The following STYX variants were observed in gnomAD, a reference collection of about 807,000 sequenced individuals.
The protein encoded by STYX is serine/threonine/tyrosine-interacting protein.
Under a neutral mutation model 42.7 loss-of-function variants are expected in STYX, and 20 were observed. The ratio of observed to expected loss-of-function variants is 0.47; its 90% CI spans 0.33 to 0.68. The LOEUF is 0.68. Among genes scored for constraint, STYX ranks in the 30% least tolerant of loss-of-function variants. The probability of loss-of-function intolerance (pLI) is 0.02; values close to 1 mark genes in which losing one functional copy is unlikely to be tolerated. For missense variants in STYX, 226 were observed against 268.5 expected, an observed-to-expected ratio of 0.84 and a Z score of 1.11; for synonymous variants, 78 against 81.9, an observed-to-expected ratio of 0.95 and a Z score of 0.26.
intron 9 of STYX, among the ~76,000 whole-genome samples, chr14:52,762,579 CT>C (rs929187988): frequency 3.7e-4 from 55 of 148,478 alleles, no homozygotes; most frequent in Admixed American, 3.3e-3. Flanking sequence ...GTTTGTCTTT[CT>C]TTTTTTTTTC....
chr14:52,732,960 C>G (rs140813732), intron 1 of STYX, among the ~76,000 whole-genome samples: 5 of 152,122 alleles, frequency 3.3e-5, no homozygotes, highest in African/African-American at 1.2e-4. Context: ...CTTGAGCCAC[C>G]GCGAAGGAGT....
intron 10 of STYX, among the ~76,000 whole-genome samples, chr14:52,769,669 A>G (rs1276643513): frequency 6.6e-6 from 1 of 151,976 alleles, no homozygotes; most frequent in Non-Finnish European, 1.5e-5. Flanking sequence ...CCTTTGCCAC[A>G]TCTGTCTAAT....
chr14:52,744,094 G>A (rs2139892419), intron 1 of STYX, among the ~76,000 whole-genome samples: 1 of 152,294 alleles, frequency 6.6e-6, no homozygotes, highest in South Asian at 2.1e-4. Context: ...AAAGTGCTGG[G>A]ATTACAGACA....
At chr14:52,738,642 A>G (rs919405183) in intron 1 of STYX, among the ~76,000 whole-genome samples, 2 of 152,184 alleles carry the variant, frequency 1.3e-5, no homozygotes, top group African/African-American at 4.8e-5. Flanking sequence ...AAAATATGAC[A>G]CCTTGATATA....
At chr14:52,743,380 G>A (rs936490248) in intron 1 of STYX, among the ~76,000 whole-genome samples, 2 of 151,934 alleles carry the variant, frequency 1.3e-5, no homozygotes, top group Non-Finnish European at 2.9e-5. Context: ...AGGAGATCAA[G>A]ACCATCTTGG....
intron 4 of STYX, among the ~76,000 whole-genome samples, chr14:52,751,044 G>A (rs920790881): frequency 6.6e-6 from 1 of 152,026 alleles, no homozygotes; most frequent in Non-Finnish European, 1.5e-5. Flanking sequence ...CTGAAAAATA[G>A]GTTTTAGTGT....
At chr14:52,737,565 T>G (rs910963093) in intron 1 of STYX, among the ~76,000 whole-genome samples, 3 of 152,252 alleles carry the variant, frequency 2.0e-5, no homozygotes, top group Admixed American at 6.5e-5. Flanking sequence ...ATTACAATAG[T>G]AACTTAAAAT....
At chr14:52,759,443 T>C (rs2139922428) in intron 8 of STYX, among the ~76,000 whole-genome samples, 1 of 152,290 alleles carries the variant, frequency 6.6e-6, no homozygotes, top group South Asian at 2.1e-4. Flanking sequence ...CTCCTATTCA[T>C]AGTAGTTCCC....
At chr14:52,763,867 T>A (rs1882195986) in intron 9 of STYX, among the ~76,000 whole-genome samples, 1 of 152,228 alleles carries the variant, frequency 6.6e-6, no homozygotes, top group Admixed American at 6.5e-5. Flanking sequence ...TTTTACTATA[T>A]TGTGTTTATT....
intron 9 of STYX, among the ~76,000 whole-genome samples, chr14:52,767,212 T>G (rs1319311607): frequency 6.6e-6 from 1 of 152,174 alleles, no homozygotes; most frequent in East Asian, 1.9e-4. Context: ...TGTAAGTGGT[T>G]TGAGGTGGGA....
chr14:52,740,781 A>C (rs1202410881), intron 1 of STYX, among the ~76,000 whole-genome samples: 1 of 152,174 alleles, frequency 6.6e-6, no homozygotes, highest in African/African-American at 2.4e-5. Flanking sequence ...GGTAAAATTT[A>C]TATAGTGTAA....
chr14:52,739,637 T>C (rs1179887102), intron 1 of STYX, among the ~76,000 whole-genome samples: 41 of 137,560 alleles, frequency 3.0e-4, no homozygotes, highest in East Asian at 1.0e-3. Context: ...TCTTTCTTTT[T>C]TTTTTTTTTT....
chr14:52,759,666 CTT>C lies in STYX; in HGVS notation c.432-12_432-11del, dbSNP rs764509518. 1.6e-5 allele frequency: 25 copies of C among 1,551,662 alleles called. No homozygotes were observed. The highest frequency in any genetic ancestry group is 1.7e-4 in the Middle Eastern group (1 of 5,922). ...TAAATAATGCTATCACATTAACACT[CTT>C]TTTCTGTTTTCAGAGATGCTTTTGC... On this transcript the variant is annotated splice_polypyrimidine_tract_variant and intron_variant, in intron 8 of 10. Transcript: ENST00000354586.
chr14:52,750,074 T>G (rs1881549717), intron 3 of STYX, among the ~76,000 whole-genome samples: 1 of 152,186 alleles, frequency 6.6e-6, no homozygotes, highest in Non-Finnish European at 1.5e-5. Flanking sequence ...GGGACCAGCA[T>G]TTTAGATAAG....
intron 2 of STYX, among the ~76,000 whole-genome samples, chr14:52,746,062 A>AT (rs1317506833): frequency 6.6e-6 from 1 of 152,152 alleles, no homozygotes; most frequent in Non-Finnish European, 1.5e-5. Flanking sequence ...ACTTGTTGAA[A>AT]TTTTGTCAAC....
chr14:52,772,467 A>T lies in STYX; in HGVS notation c.*1361A>T, dbSNP rs1238868738. ...AAAGTTCTAAGAAAACATTTTTGCT[A>T]TTTTAAGTATGTAAGGGAAGAGAGG... On this transcript the variant is annotated 3_prime_UTR_variant, in exon 11 of 11. Transcript: ENST00000354586. 1 of 152,544 alleles carries T rather than the reference A, an allele frequency of 6.6e-6. No homozygotes were observed. The highest frequency in any genetic ancestry group is 2.4e-5 in the African/African-American group (1 of 41,432). 9.4% of individuals were successfully genotyped at this position (152,544 alleles called of 1,614,324 possible).
In STYX at chr14:52,742,816, G is replaced by T. The variant is rs1881245566; in HGVS notation, c.58-2036G>T. Among the ~76,000 whole-genome samples, 3 of 146,642 alleles carry T rather than the reference G, an allele frequency of 2.0e-5. No homozygotes were observed. The Admixed American group carries it at 2.1e-4, about 10-fold the overall frequency. The stretch of plus-strand genomic sequence containing the variant: ...CTTTTGATTTTTTTTTTTTTTTTGA[G>T]ATGGAGTTTCACTGATGTTGCCTAG... On this transcript the variant is annotated intron_variant, in intron 1 of 10. Transcript: ENST00000354586.
chr14:52,732,091 GTTT>G (rs560828155), intron 1 of STYX, among the ~76,000 whole-genome samples: 1 of 85,996 alleles, frequency 1.2e-5, no homozygotes. Context: ...TATACTCATG[GTTT>G]TTTTTTTTTT....
intron 5 of STYX, 54 bp downstream of exon 5, chr14:52,756,665 CT>C: frequency 3.8e-6 from 1 of 261,296 alleles, no homozygotes; most frequent in Non-Finnish European, 7.1e-6. Flanking sequence ...GATTTGACTT[CT>C]TAGTTGTGCT....
Sources: allele counts gnomAD v4.1 joint callset (sites outside exome capture counted in the v4.1 genomes callset), GRCh38; gene constraint gnomAD v4.1.1; transcripts MANE v1.5; gene names NCBI Gene and HGNC (gene_info 2026-07-23, HGNC 2026-07-21).